Variants in DMTN observed in about 807,000 individuals in gnomAD.
The protein encoded by DMTN is dematin.
A neutral mutation model predicts 59.4 loss-of-function variants in DMTN; 27 were observed. That is an observed-to-expected ratio of 0.45 (90% confidence interval 0.33 to 0.63). DMTN has a LOEUF of 0.63. DMTN is among the 20% of genes least tolerant of loss of function. The probability of loss-of-function intolerance (pLI) is 0.02; values close to 1 mark genes in which losing one functional copy is unlikely to be tolerated. For missense variants in DMTN, 451 were observed against 528.9 expected (o/e 0.85, Z 1.45); for synonymous variants, 221 against 203.7 (o/e 1.08, Z -0.72).
upstream of DMTN, among the ~76,000 whole-genome samples, chr8:22,050,006 ACAGCGG>A (rs1359004236): frequency 2.6e-5 from 4 of 152,118 alleles, no homozygotes; most frequent in South Asian, 4.1e-4. Flanking sequence ...GAAGGTGGGG[ACAGCGG>A]CAGCCAAGAG....
Position 22,058,629 on chromosome 8 carries a change from G to A in DMTN, c.-172+1493G>A, listed in dbSNP as rs775929843. 8.5e-5 allele frequency among the ~76,000 whole-genome samples: 13 copies of A among 152,222 alleles called. No homozygotes were observed. The highest frequency in any genetic ancestry group is 1.8e-4 in the Non-Finnish European group (12 of 68,032). On this transcript the variant is annotated intron_variant, in intron 1 of 15. Transcript: ENST00000358242. The surrounding 1 kb of genome is among the most constrained non-coding windows in gnomAD (Gnocchi z 4.3). ...GTTATTGAGAGAACAAGGGAGGGCA[G>A]GCCTTGAGCAGGGGGACTCTGGGCT...
chr8:22,080,526 G>T lies in DMTN; in HGVS notation c.949+66G>T, dbSNP rs7006378. 3.4e-3 allele frequency: 5,533 copies of T among 1,614,026 alleles called. 121 individuals are homozygous for T. In the African/African-American group the frequency reaches 0.058, roughly 17 times the overall value. ...TTACACAGGTCCCTGGGCAGCCGGG[G>T]TCTGGGCTGTGGGCAGGGGTCTGGT... On this transcript the variant is annotated intron_variant, in intron 12 of 15. Transcript: ENST00000358242.
At chr8:22,054,397 T>C (rs1415335233), upstream of DMTN, among the ~76,000 whole-genome samples, 1 of 151,972 alleles carries the variant, frequency 6.6e-6, no homozygotes. Context: ...TCAGGTGGAA[T>C]GAGAGAGGGT....
Position 22,074,047 on chromosome 8 carries a change from A to T in DMTN, c.835+212A>T, listed in dbSNP as rs182560720. Reference sequence around the variant, plus strand: ...TTCAGCAAGTTTGGTTTAATTTAACAACCATTTATTGAGCGTTTACCATGT... The same window carrying T: ...TTCAGCAAGTTTGGTTTAATTTAACTACCATTTATTGAGCGTTTACCATGT... On this transcript the variant is annotated intron_variant, in intron 10 of 15. Transcript: ENST00000358242. 1.2e-3 allele frequency among the ~76,000 whole-genome samples: 185 copies of T among 152,348 alleles called. 5 individuals are homozygous for T. The East Asian group carries it at 0.027, about 22-fold the overall frequency.
intron 1 of DMTN, among the ~76,000 whole-genome samples, chr8:22,064,648 CA>C (rs1306972116): frequency 6.6e-6 from 1 of 152,144 alleles, no homozygotes; most frequent in Non-Finnish European, 1.5e-5. Context: ...TTAGTAGAGA[CA>C]GGGTTTCACT....
At chr8:22,072,689 G>C (rs1816660860) in intron 9 of DMTN, among the ~76,000 whole-genome samples, 1 of 147,496 alleles carries the variant, frequency 6.8e-6, no homozygotes, top group African/African-American at 2.5e-5. Flanking sequence ...TGGCCAGGCT[G>C]GTCTCGAACT....
upstream of DMTN, among the ~76,000 whole-genome samples, chr8:22,055,861 C>G (rs527318676): frequency 2.0e-3 from 311 of 152,318 alleles, no homozygotes; most frequent in Non-Finnish European, 3.9e-3. Context: ...CCAGAGCCCC[C>G]TCCCCAGATT....
intron 10 of DMTN, among the ~76,000 whole-genome samples, chr8:22,078,112 C>T (rs1314827653): frequency 6.6e-6 from 1 of 152,068 alleles, no homozygotes; most frequent in African/African-American, 2.4e-5. Context: ...CACCCGTAAT[C>T]CCAGCAATTT....
chr8:22,078,099 T>C (rs1015309058), intron 10 of DMTN, among the ~76,000 whole-genome samples: 13 of 151,112 alleles, frequency 8.6e-5, no homozygotes, highest in African/African-American at 3.1e-4. Context: ...GTGCAGTGGC[T>C]CACACCCGTA....
chr8:22,056,510 A>G (rs1802648823), upstream of DMTN, among the ~76,000 whole-genome samples: 1 of 152,048 alleles, frequency 6.6e-6, no homozygotes, highest in South Asian at 2.1e-4. Context: ...CACCGCCCAC[A>G]GCAACTTGAA....
At position 22,058,929 on chromosome 8, in the gene DMTN, G is replaced by A. The variant is rs1305357090; in HGVS notation, c.-172+1793G>A. 6.6e-6 allele frequency among the ~76,000 whole-genome samples: 1 copy of A among 152,106 alleles called. No homozygotes were observed. Among genetic ancestry groups the A allele is most frequent in the African/African-American group, 2.4e-5 (1 of 41,442 alleles). On this transcript the variant is annotated intron_variant, in intron 1 of 15. Transcript: ENST00000358242. This position sits in a 1 kb window ranked among gnomAD's most constrained non-coding sequence, Gnocchi z 4.3. ...TGTCCTTTTCCAGTGGCGGGGGGGT[G>A]CGGGGAGCAAGGTGCCCTACCCCAC... is the stretch of plus-strand genomic sequence containing the variant.
chr8:22,056,559 C>T (rs1358586458), upstream of DMTN, among the ~76,000 whole-genome samples: 1 of 152,030 alleles, frequency 6.6e-6, no homozygotes, highest in Admixed American at 6.6e-5. Context: ...GCTCTGGGTG[C>T]GTGTGGGTGT....
In DMTN at chr8:22,067,102, C is replaced by T. The variant is rs1475410796; in HGVS notation, c.36C>T (p.Pro12=). 18 of 1,606,730 alleles carry T rather than the reference C, an allele frequency of 1.1e-5. No individual in the cohort carries two copies. The highest frequency in any genetic ancestry group is 4.2e-6 in the Non-Finnish European group (5 of 1,177,118). ...ERLQKQPLTS[P]GSVSPSRDSS... ...CTCCCCAGCAACCACTTACCTCCCC[C>T]GGGAGCGTGAGCCCCTCCCGAGATT... The change falls in exon 3 of 16, where the codon CCC becomes CCT. Residue 12 remains proline (P), a synonymous_variant. Coordinates refer to ENST00000358242, the MANE Select transcript of DMTN (RefSeq NM_001387751.1).
At position 22,080,259 on chromosome 8, in the gene DMTN, C is replaced by T; in HGVS notation, c.900+15C>T. On this transcript the variant is annotated intron_variant, in intron 11 of 15. Transcript: ENST00000358242. ...CCCTGAGCCGGGTAAGGTCTCAGGACCAGAGATATAGACTACGTGGGAGGA... is the reference window on the plus strand; with the variant it reads ...CCCTGAGCCGGGTAAGGTCTCAGGATCAGAGATATAGACTACGTGGGAGGA... 1 of 1,614,182 alleles carries T rather than the reference C, an allele frequency of 6.2e-7. No homozygotes were observed. The highest frequency in any genetic ancestry group is 8.5e-7 in the Non-Finnish European group (1 of 1,180,008).
At chr8:22,057,870 C>T (rs1803580130) in intron 1 of DMTN, 1 of 152,344 alleles carries the variant, frequency 6.6e-6, no homozygotes, top group African/African-American at 2.4e-5. Flanking sequence ...GACCAGTTGC[C>T]TGGTTGTGAG....
At chr8:22,080,742 C>A (rs974811391) in intron 13 of DMTN, 63 bp from the exon 14 acceptor site, 16 of 1,588,328 alleles carry the variant, frequency 1.0e-5, no homozygotes, top group East Asian at 2.3e-5. Flanking sequence ...AAGAAGAAGC[C>A]GGGGTAAGGC....
chr8:22,064,290 G>T (rs1808775639), intron 1 of DMTN, among the ~76,000 whole-genome samples: 1 of 152,280 alleles, frequency 6.6e-6, no homozygotes, highest in African/African-American at 2.4e-5. Flanking sequence ...ACAAAGTAAA[G>T]ATAAGAGAGG....
At chr8:22,066,545 C>G (rs983611012) in intron 1 of DMTN, 160 bp from the exon 2 acceptor site, 1 of 232,686 alleles carries the variant, frequency 4.3e-6, no homozygotes, top group Non-Finnish European at 8.3e-6. Context: ...ACAAGCGCAG[C>G]CCGTCCTTCG....
intron 14 of DMTN, 21 bp from the exon 15 acceptor site, chr8:22,081,092 T>TGGGGGGGGGGGGGGGGGC: frequency 6.5e-7 from 1 of 1,547,316 alleles, no homozygotes; most frequent in Non-Finnish European, 8.9e-7. Context: ...AGCCTAAGAT[T>TGGGGGGGGGGGGGGGGGC]GCCCCTCCCC....
Sources: gnomAD v4.1 joint callset for allele counts (sites outside exome capture counted in the v4.1 genomes callset) on GRCh38, gnomAD v4.1.1 for gene constraint, Gnocchi (gnomAD v3.1) non-coding constraint, MANE v1.5 for transcripts, NCBI Gene and HGNC (gene_info 2026-07-23, HGNC 2026-07-21) for gene names.